Variants in NUDC observed in about 807,000 individuals in gnomAD.
The protein encoded by NUDC is nuclear distribution C, dynein complex regulator.
A neutral mutation model predicts 45.0 loss-of-function variants in NUDC; 14 were observed. The observed-to-expected ratio is 0.31, with a 90% confidence interval of 0.21 to 0.49. The LOEUF is 0.49. Among genes scored for constraint, NUDC ranks in the 20% least tolerant of loss-of-function variants. The probability of loss-of-function intolerance (pLI) is 0.99; values close to 1 mark genes in which losing one functional copy is unlikely to be tolerated. For synonymous variants in NUDC, 153 were observed against 156.7 expected (o/e 0.98, Z 0.17); for missense variants, 323 against 426.2 (o/e 0.76, Z 2.13).
Position 26,946,526 on chromosome 1 carries a change from T to C in NUDC, c.*345T>C. 1 of 369,668 alleles carries C rather than the reference T, an allele frequency of 2.7e-6. No homozygotes were observed. Among genetic ancestry groups the C allele is most frequent in the South Asian group, 2.4e-5 (1 of 40,846 alleles). The allele number at this position is 369,668 out of a possible 1,614,324, so 22.9% of individuals were successfully genotyped here. A position where few individuals can be genotyped will look rare whatever the true frequency, so the allele number is the denominator to read the frequency against. ...GACCTAGGGCACATCCTTGCCCCTCTCTGGGCCTCAGTTTCTCATTACTTA... is the reference window on the plus strand; with the variant it reads ...GACCTAGGGCACATCCTTGCCCCTCCCTGGGCCTCAGTTTCTCATTACTTA... On this transcript the variant is annotated 3_prime_UTR_variant, in exon 9 of 9. Transcript: ENST00000321265.
At chr1:26,936,700 A>G (rs765292903) in intron 2 of NUDC, among the ~76,000 whole-genome samples, 6 of 151,982 alleles carry the variant, frequency 3.9e-5, no homozygotes, top group Non-Finnish European at 5.9e-5. Context: ...TTTCCTTGCA[A>G]TTTGTTTTTT....
Position 26,942,916 on chromosome 1 carries a change from ATGG to A in NUDC, c.599_601del (p.Val200del), listed in dbSNP as rs2082290653. 1 of 1,613,968 alleles carries A rather than the reference ATGG, an allele frequency of 6.2e-7. No individual in the cohort carries two copies. The highest frequency in any genetic ancestry group is 2.2e-5 in the East Asian group (1 of 44,878). On this transcript the variant is annotated inframe_deletion, in exon 6 of 9. Transcript: ENST00000321265. ...GAACTTCCGGCTGAAAGGGAAGGAC[ATGG>A]TGGTGGACATCCAGCGGCGGCACCT...
chr1:26,921,763 G>C lies in NUDC; in HGVS notation c.-86G>C. The C allele has an allele frequency of 7.0e-7, 1 of 1,421,738 alleles. No homozygotes were observed. The highest frequency in any genetic ancestry group is 9.7e-7 in the Non-Finnish European group (1 of 1,033,786). 88.1% of individuals were successfully genotyped at this position (1,421,738 alleles called of 1,614,324 possible). A position where few individuals can be genotyped will look rare whatever the true frequency, so the allele number is the denominator to read the frequency against. On this transcript the variant is annotated 5_prime_UTR_variant, in exon 1 of 9. Coordinates refer to ENST00000321265, the MANE Select transcript of NUDC (RefSeq NM_006600.4). ...CCGCTGCGGAAGGCGGACGACTAGA[G>C]TCGTTGGGCCCGGCGCGACCCGCAG...
At position 26,942,651 on chromosome 1, in the gene NUDC, T is replaced by C; in HGVS notation, c.430-9T>C. 6.2e-7 allele frequency: 1 copy of C among 1,614,022 alleles called. No homozygotes were observed. The highest frequency in any genetic ancestry group is 1.1e-5 in the South Asian group (1 of 91,036). ...AAGTAAGTAGCTGAGTGTCCCTGAT[T>C]GTAAGCAGGATACTGAGGAAGATGA... is the stretch of plus-strand genomic sequence containing the variant. On this transcript the variant is annotated splice_polypyrimidine_tract_variant and intron_variant, in intron 4 of 8. Transcript: ENST00000321265.
intron 2 of NUDC, among the ~76,000 whole-genome samples, chr1:26,939,920 A>T (rs2082263700): frequency 6.6e-6 from 1 of 152,310 alleles, no homozygotes; most frequent in East Asian, 1.9e-4. Flanking sequence ...CGGATAAGGA[A>T]ACAGGCTTAG....
intron 6 of NUDC, among the ~76,000 whole-genome samples, chr1:26,944,717 G>A (rs967268207): frequency 6.6e-6 from 1 of 151,956 alleles, no homozygotes; most frequent in South Asian, 2.1e-4. Context: ...CAGGAGAATC[G>A]CTTGAACCCA....
At chr1:26,940,500 G>T (rs1004881463) in intron 2 of NUDC, among the ~76,000 whole-genome samples, 1 of 151,122 alleles carries the variant, frequency 6.6e-6, no homozygotes, top group Non-Finnish European at 1.5e-5. Flanking sequence ...AAAAAAAAAA[G>T]CTCCCTGGCT....
intron 2 of NUDC, among the ~76,000 whole-genome samples, chr1:26,926,007 C>T (rs2124100941): frequency 6.6e-6 from 1 of 152,058 alleles, no homozygotes; most frequent in Non-Finnish European, 1.5e-5. Flanking sequence ...CAGGTGTGAG[C>T]CACCATGCCC....
In NUDC at chr1:26,946,126, C is replaced by G. The variant is rs1208947755; in HGVS notation, c.945-4C>G. On this transcript the variant is annotated splice_polypyrimidine_tract_variant and splice_region_variant and intron_variant, in intron 8 of 8. Coordinates refer to ENST00000321265, the MANE Select transcript of NUDC (RefSeq NM_006600.4). Reference sequence around the variant, plus strand: ...GCTGTTTCATCTTGCTTCCGTTTCTCCAGGTTCATGGATCAACATCCGGAG... The same window carrying G: ...GCTGTTTCATCTTGCTTCCGTTTCTGCAGGTTCATGGATCAACATCCGGAG... 1.2e-6 allele frequency: 2 copies of G among 1,613,856 alleles called. No homozygotes were observed. Among genetic ancestry groups the G allele is most frequent in the Non-Finnish European group, 1.7e-6 (2 of 1,179,806 alleles).
chr1:26,939,560 C>T (rs894519487), intron 2 of NUDC, among the ~76,000 whole-genome samples: 3 of 151,914 alleles, frequency 2.0e-5, no homozygotes, highest in Non-Finnish European at 2.9e-5. Context: ...CCAGGGAGGT[C>T]GAATGCATTC....
At chr1:26,903,733 G>A (rs530170814) in intron 2 of NUDC, among the ~76,000 whole-genome samples, 348 of 152,118 alleles carry the variant, frequency 2.3e-3, no homozygotes, top group Non-Finnish European at 3.8e-3. Flanking sequence ...AAAATAAGCC[G>A]GGCGCGGTGG....
intron 2 of NUDC, among the ~76,000 whole-genome samples, chr1:26,926,235 C>T (rs943556581): frequency 9.2e-5 from 14 of 152,140 alleles, no homozygotes; most frequent in Admixed American, 4.6e-4. Flanking sequence ...GAGACGTAGA[C>T]GTTCTTTGCA....
At chr1:26,933,610 C>T (rs373298088) in intron 2 of NUDC, among the ~76,000 whole-genome samples, 2 of 150,750 alleles carry the variant, frequency 1.3e-5, no homozygotes, top group East Asian at 4.1e-4. Context: ...GACGGGGTTT[C>T]ACCATGTTGG....
intron 2 of NUDC, among the ~76,000 whole-genome samples, chr1:26,903,606 G>C (rs1394726775): frequency 1.3e-5 from 2 of 152,172 alleles, no homozygotes; most frequent in African/African-American, 4.8e-5. Flanking sequence ...GGTGGCTCAT[G>C]CTTCTAATCC....
intron 2 of NUDC, among the ~76,000 whole-genome samples, chr1:26,903,420 C>T (rs2081988751): frequency 1.3e-5 from 2 of 152,200 alleles, no homozygotes; most frequent in South Asian, 4.1e-4. Flanking sequence ...AGAGTTCATT[C>T]TGTTATTCTT....
At chr1:26,945,826 G>C in intron 8 of NUDC, 140 bp downstream of exon 8, 1 of 800,062 alleles carries the variant, frequency 1.2e-6, no homozygotes, top group Non-Finnish European at 2.2e-6. Flanking sequence ...TTATGGCTTT[G>C]GCTTGCCTAC....
At position 26,912,164 on chromosome 1, in the gene NUDC, G is replaced by C. The variant is rs1465104885; in HGVS notation, c.93+929G>C. ...AAAGGACAAGACTGGCCCAAGATCTGGGCCATCAGAGACACCCCTCTGCCT... is the reference window on the plus strand; with the variant it reads ...AAAGGACAAGACTGGCCCAAGATCTCGGCCATCAGAGACACCCCTCTGCCT... On this transcript the variant is annotated intron_variant, in intron 3 of 6. Transcript: ENST00000435827. The C allele has an allele frequency of 3.8e-6, 6 of 1,575,198 alleles. No homozygotes were observed. In the Admixed American group the frequency reaches 1.1e-4, roughly 29 times the overall value.
intron 2 of NUDC, among the ~76,000 whole-genome samples, chr1:26,939,706 A>C (rs564037624): frequency 6.6e-6 from 1 of 152,304 alleles, no homozygotes; most frequent in Non-Finnish European, 1.5e-5. Flanking sequence ...TGAAGTATGC[A>C]TGGAAATTGG....
intron 2 of NUDC, 81 bp from the exon 3 acceptor site, chr1:26,941,376 A>C (rs1202034329): frequency 6.9e-7 from 1 of 1,443,554 alleles, no homozygotes; most frequent in Non-Finnish European, 9.6e-7. Context: ...TGCACCCAGC[A>C]GGTAGAGAGT....
Sources: allele counts gnomAD v4.1 joint callset (sites outside exome capture counted in the v4.1 genomes callset), GRCh38; gene constraint gnomAD v4.1.1; transcripts MANE v1.5; gene names NCBI Gene and HGNC (gene_info 2026-07-23, HGNC 2026-07-21).